Variants in ASAP2 observed in about 807,000 individuals in gnomAD.
ASAP2 encodes the protein arf-GAP with SH3 domain, ANK repeat and PH domain-containing protein 2.
Under a neutral mutation model 131.4 loss-of-function variants are expected in ASAP2, and 45 were observed. That is an observed-to-expected ratio of 0.34 (90% CI 0.27 to 0.44). The LOEUF is 0.44. Among genes scored for constraint, ASAP2 ranks in the 20% least tolerant of loss-of-function variants. The pLI, the probability that ASAP2 is intolerant of heterozygous loss-of-function variation, is 1.00. For missense variants in ASAP2, 1,011 were observed against 1,297.0 expected (o/e 0.78, Z 3.39); for synonymous variants, 510 against 503.0 (o/e 1.01, Z -0.19).
intron 1 of ASAP2, among the ~76,000 whole-genome samples, chr2:9,227,676 G>A (rs1171499146): frequency 6.6e-6 from 1 of 152,142 alleles, no homozygotes; most frequent in East Asian, 1.9e-4. Flanking sequence ...TGATCTTTCT[G>A]TAACCCAGAA....
chr2:9,379,515 C>T (rs939957225), intron 19 of ASAP2, among the ~76,000 whole-genome samples: 2 of 152,158 alleles, frequency 1.3e-5, no homozygotes, highest in African/African-American at 4.8e-5. Context: ...ATGAAGGGCC[C>T]TGGTTGTTAC....
At position 9,235,167 on chromosome 2, in the gene ASAP2, G is replaced by A. The variant is rs533521893; in HGVS notation, c.126+27937G>A. Among the ~76,000 whole-genome samples, 8 of 152,310 alleles carry A rather than the reference G, an allele frequency of 5.3e-5. No homozygotes were observed. The South Asian group carries it at 1.7e-3, about 32-fold the overall frequency. ...GCGGGGATCTGTGTGTGGCTACAGA[G>A]TGACTAATGGTAGAATTAATCGAGT... On this transcript the variant is annotated intron_variant, in intron 1 of 27. Transcript: ENST00000281419.
In ASAP2 at chr2:9,389,601, A is replaced by G. The variant is rs1471113015; in HGVS notation, c.2383+1055A>G. Among the ~76,000 whole-genome samples the G allele has an allele frequency of 6.6e-6, 1 of 152,112 alleles. No homozygotes were observed. The highest frequency in any genetic ancestry group is 2.4e-5 in the African/African-American group (1 of 41,404). Reference sequence around the variant, plus strand: ...TTCCCTGCCGTCCTGGGTGTCTCACAGACCCTCACACGGCTCTGCCCCTGT... The same window carrying G: ...TTCCCTGCCGTCCTGGGTGTCTCACGGACCCTCACACGGCTCTGCCCCTGT... On this transcript the variant is annotated intron_variant, in intron 22 of 27. Transcript: ENST00000281419. The surrounding 1 kb of genome is among the most constrained non-coding windows in gnomAD (Gnocchi z 4.7).
chr2:9,208,411 G>GTTT (rs774423539), intron 1 of ASAP2, among the ~76,000 whole-genome samples: 6 of 130,250 alleles, frequency 4.6e-5, no homozygotes, highest in African/African-American at 1.2e-4. Context: ...TTTTTTTCTG[G>GTTT]TTTTTTTTTT....
intron 14 of ASAP2, among the ~76,000 whole-genome samples, chr2:9,356,862 A>T (rs1672744565): frequency 6.6e-6 from 1 of 152,196 alleles, no homozygotes; most frequent in African/African-American, 2.4e-5. Flanking sequence ...ATTCTGTGAA[A>T]TAAGATTTTA....
At chr2:9,302,234 G>T (rs887900467) in intron 3 of ASAP2, among the ~76,000 whole-genome samples, 5 of 144,684 alleles carry the variant, frequency 3.5e-5, no homozygotes, top group African/African-American at 1.3e-4. Flanking sequence ...GCGCAGTGGT[G>T]CAGTCTTGGC....
intron 1 of ASAP2, among the ~76,000 whole-genome samples, chr2:9,229,812 C>A (rs1417030757): frequency 6.6e-6 from 1 of 152,178 alleles, no homozygotes; most frequent in African/African-American, 2.4e-5. Context: ...GAACATGAAG[C>A]AAGTGCCTGG....
intron 1 of ASAP2, among the ~76,000 whole-genome samples, chr2:9,242,839 T>G (rs1220509276): frequency 6.6e-6 from 1 of 152,214 alleles, no homozygotes; most frequent in East Asian, 1.9e-4. Flanking sequence ...GATTGTCAGG[T>G]GAGACTATTA....
chr2:9,225,984 G>A (rs995940077), intron 1 of ASAP2, among the ~76,000 whole-genome samples: 6 of 152,148 alleles, frequency 3.9e-5, no homozygotes, highest in East Asian at 1.9e-4. Flanking sequence ...CCTGGAAGGC[G>A]CCCATGAGCT....
chr2:9,258,005 T>C (rs1665284947), intron 1 of ASAP2, among the ~76,000 whole-genome samples: 1 of 152,148 alleles, frequency 6.6e-6, no homozygotes, highest in Non-Finnish European at 1.5e-5. Flanking sequence ...TGAAAGCACT[T>C]TTAGAAGTGC....
intron 6 of ASAP2, among the ~76,000 whole-genome samples, chr2:9,326,153 G>A (rs1192005061): frequency 6.6e-6 from 1 of 152,206 alleles, no homozygotes; most frequent in Non-Finnish European, 1.5e-5. Flanking sequence ...GGCTGAGGTG[G>A]GAGGATTCCT....
In ASAP2 at chr2:9,207,766, C is replaced by T. The variant is rs899360298; in HGVS notation, c.126+536C>T. On this transcript the variant is annotated intron_variant, in intron 1 of 27. Coordinates refer to ENST00000281419, the MANE Select transcript of ASAP2 (RefSeq NM_003887.3). This position sits in a 1 kb window ranked among gnomAD's most constrained non-coding sequence, Gnocchi z 4.1. ...TCAGCCAGGGCGGCCTGGCTGCGCT[C>T]CACCCGTGCCCGGAGAAGGAACTGC... Among the ~76,000 whole-genome samples, 2 of 152,112 alleles carry T rather than the reference C, an allele frequency of 1.3e-5. No individual in the cohort carries two copies. Among genetic ancestry groups the T allele is most frequent in the East Asian group, 1.9e-4 (1 of 5,162 alleles).
chr2:9,321,732 T>C (rs139255739), intron 5 of ASAP2, among the ~76,000 whole-genome samples: 6 of 152,144 alleles, frequency 3.9e-5, no homozygotes, highest in African/African-American at 1.4e-4. Flanking sequence ...GTCATCTGGT[T>C]CTGAAAAGAA....
chr2:9,265,941 T>G (rs942532834), intron 1 of ASAP2, among the ~76,000 whole-genome samples: 1 of 151,868 alleles, frequency 6.6e-6, no homozygotes, highest in African/African-American at 2.4e-5. Flanking sequence ...CCCAGCTAAT[T>G]TTTTGTATTT....
chr2:9,352,410 C>T (rs1347647064), intron 12 of ASAP2, among the ~76,000 whole-genome samples: 1 of 152,174 alleles, frequency 6.6e-6, no homozygotes, highest in African/African-American at 2.4e-5. Context: ...ACACAAGAAG[C>T]CATGCGTTAA....
In ASAP2 at chr2:9,382,335, C is replaced by G. The variant is rs180728219; in HGVS notation, c.2016+1527C>G. Among the ~76,000 whole-genome samples the G allele has an allele frequency of 4.7e-3, 717 of 152,232 alleles. 6 individuals are homozygous for G. The highest frequency in any genetic ancestry group is 0.017 in the African/African-American group (687 of 41,526). ...TTATGACATAGTTTCTGCTGTTGTCCTCATTTTACAGATGAGGACACAGGC... is the reference window on the plus strand; with the variant it reads ...TTATGACATAGTTTCTGCTGTTGTCGTCATTTTACAGATGAGGACACAGGC... On this transcript the variant is annotated intron_variant, in intron 20 of 27. Coordinates refer to ENST00000281419, the MANE Select transcript of ASAP2 (RefSeq NM_003887.3).
At chr2:9,400,128 G>T in intron 25 of ASAP2, 56 bp downstream of exon 25, 2 of 1,494,798 alleles carry the variant, frequency 1.3e-6, no homozygotes, top group South Asian at 2.4e-5. Flanking sequence ...GGGGCAATGT[G>T]GGGGATGTTT....
In ASAP2 at chr2:9,388,537, G is replaced by A; in HGVS notation, c.2374G>A (p.Val792Ile). ...CGCCCCCCCGCTTCCTCCACGGAAT[G>A]TTGGCAAAGGTATGAAGCTGTCCGT... ...TSAPPLPPRNVGKVQTASSAN... is the reference protein window; with the variant it reads ...TSAPPLPPRNIGKVQTASSAN... The change falls in exon 22 of 28, where the codon GTT (valine) becomes ATT (isoleucine). Residue 792 changes from valine (V) to isoleucine (I), a missense_variant. By Grantham distance (29) the Val-to-Ile change is conservative. This residue lies in a region of ASAP2 where 652 missense variants were observed against 698.9 expected (regional missense o/e 0.93). Transcript: ENST00000281419. The A allele has an allele frequency of 2.5e-6, 4 of 1,612,894 alleles. No homozygotes were observed. Among genetic ancestry groups the A allele is most frequent in the Non-Finnish European group, 3.4e-6 (4 of 1,179,640 alleles).
intron 1 of ASAP2, among the ~76,000 whole-genome samples, chr2:9,273,851 C>G (rs1666574837): frequency 6.6e-6 from 1 of 152,250 alleles, no homozygotes; most frequent in Non-Finnish European, 1.5e-5. Context: ...AGCTGCATGA[C>G]TCCTAAACCA....
Sources: gnomAD v4.1 joint callset for allele counts (sites outside exome capture counted in the v4.1 genomes callset) on GRCh38, gnomAD v4.1.1 for gene constraint, gnomAD v4.1.1 regional missense constraint, Gnocchi (gnomAD v3.1) non-coding constraint, MANE v1.5 for transcripts, NCBI Gene and HGNC (gene_info 2026-07-23, HGNC 2026-07-21) for gene names.